The following SNTG1 variants were observed in gnomAD, a reference collection of about 807,000 sequenced individuals.
The protein encoded by SNTG1 is syntrophin gamma 1, also known as gamma-1-syntrophin.
A neutral mutation model predicts 74.7 loss-of-function variants in SNTG1; 39 were observed. The observed-to-expected ratio is 0.52, with a 90% confidence interval of 0.40 to 0.68. SNTG1 has a LOEUF of 0.68. Ranked by LOEUF, SNTG1 falls within the 30% of genes least tolerant of loss-of-function variation. The probability of loss-of-function intolerance (pLI) is 0.00; values close to 1 mark genes in which losing one functional copy is unlikely to be tolerated. For missense variants in SNTG1, 685 were observed against 609.5 expected (o/e 1.12, Z -1.30); for synonymous variants, 254 against 217.1 (o/e 1.17, Z -1.49).
intron 15 of SNTG1, among the ~76,000 whole-genome samples, chr8:50,703,579 AAATACAGTAATATTTACTGTATTACTAT>A (rs892510389): frequency 1.7e-4 from 26 of 152,294 alleles, no homozygotes; most frequent in African/African-American, 6.3e-4. Context: ...GGAGTACAGT[AAATACAGTAATATTTACTGTATTACTAT>A]AATACAGTAA....
intron 17 of SNTG1, among the ~76,000 whole-genome samples, chr8:50,736,775 A>G (rs1221617223): frequency 1.3e-5 from 2 of 152,182 alleles, no homozygotes; most frequent in Non-Finnish European, 2.9e-5. Flanking sequence ...AAACTCAGTC[A>G]AAACTGTACA....
chr8:50,727,629 G>T (rs1319047074), intron 17 of SNTG1, among the ~76,000 whole-genome samples: 1 of 152,134 alleles, frequency 6.6e-6, no homozygotes. Context: ...AGCCCCTGCT[G>T]CTATGGCTGT....
At chr8:50,782,630 C>T (rs1392922715) in intron 18 of SNTG1, among the ~76,000 whole-genome samples, 1 of 122,848 alleles carries the variant, frequency 8.1e-6, no homozygotes, top group Non-Finnish European at 1.8e-5. Flanking sequence ...AAGGTTTCAA[C>T]TTCTTTGCCT....
At position 50,542,632 on chromosome 8, in the gene SNTG1, G is replaced by A. The variant is rs1313668655; in HGVS notation, c.680+5824G>A. The stretch of plus-strand genomic sequence containing the variant: ...CACTAATGAAATTGCTGGATCGTGT[G>A]GTAGTCTTATTTTCAGTTTTTTGAG... On this transcript the variant is annotated intron_variant, in intron 11 of 18. Transcript: ENST00000642720. 2.0e-5 allele frequency among the ~76,000 whole-genome samples: 3 copies of A among 152,086 alleles called. No individual in the cohort carries two copies. In the South Asian group the frequency reaches 6.2e-4, roughly 32 times the overall value.
At chr8:49,987,651 T>TG (rs1478530424) in intron 1 of SNTG1, among the ~76,000 whole-genome samples, 1 of 148,056 alleles carries the variant, frequency 6.8e-6, no homozygotes, top group Admixed American at 6.7e-5. Flanking sequence ...AAATTAACCT[T>TG]TTTTTTTTTT....
intron 1 of SNTG1, among the ~76,000 whole-genome samples, chr8:49,978,597 T>G (rs1003324595): frequency 6.6e-6 from 1 of 152,198 alleles, no homozygotes; most frequent in Non-Finnish European, 1.5e-5. Context: ...ATTGTTGTCT[T>G]TATTGTAAAG....
chr8:50,084,138 A>T (rs968744919), intron 1 of SNTG1, among the ~76,000 whole-genome samples: 4 of 152,158 alleles, frequency 2.6e-5, no homozygotes, highest in African/African-American at 9.7e-5. Context: ...ATGTTGTGCT[A>T]AATAGTGTAT....
intron 18 of SNTG1, among the ~76,000 whole-genome samples, chr8:50,775,031 G>C (rs911483293): frequency 2.0e-5 from 3 of 150,440 alleles, no homozygotes; most frequent in African/African-American, 7.3e-5. Context: ...TACATATATA[G>C]TGTTATAACC....
chr8:50,077,059 A>AT (rs1457290271), intron 1 of SNTG1, among the ~76,000 whole-genome samples: 1 of 152,210 alleles, frequency 6.6e-6, no homozygotes, highest in African/African-American at 2.4e-5. Context: ...CCTCTGGCTT[A>AT]ACGTTCTATA....
intron 8 of SNTG1, among the ~76,000 whole-genome samples, chr8:50,479,088 A>G (rs901683475): frequency 1.3e-5 from 2 of 152,176 alleles, no homozygotes; most frequent in Admixed American, 6.5e-5. Flanking sequence ...GATTAAATCA[A>G]TTGCCCAGGG....
At chr8:50,398,035 A>C (rs1587470409) in intron 3 of SNTG1, among the ~76,000 whole-genome samples, 1 of 152,346 alleles carries the variant, frequency 6.6e-6, no homozygotes. Context: ...GATTCTAATC[A>C]AGACAGTGCC....
intron 17 of SNTG1, among the ~76,000 whole-genome samples, chr8:50,740,357 A>G (rs2095540102): frequency 1.6e-5 from 2 of 124,160 alleles, no homozygotes; most frequent in Admixed American, 1.5e-4. Flanking sequence ...TGGCCAAAAA[A>G]CATATGAAAA....
At chr8:50,339,288 G>T (rs185864308) in intron 2 of SNTG1, among the ~76,000 whole-genome samples, 1 of 151,974 alleles carries the variant, frequency 6.6e-6, no homozygotes, top group Non-Finnish European at 1.5e-5. Context: ...CTCCTTGCTA[G>T]AGCTATAAAA....
At chr8:50,512,643 C>A (rs982435878) in intron 9 of SNTG1, among the ~76,000 whole-genome samples, 5 of 152,164 alleles carry the variant, frequency 3.3e-5, no homozygotes, top group Non-Finnish European at 5.9e-5. Flanking sequence ...CTAAACTTCT[C>A]TTCTAGCTTC....
intron 4 of SNTG1, among the ~76,000 whole-genome samples, chr8:50,418,997 A>C (rs568145529): frequency 6.6e-6 from 1 of 152,138 alleles, no homozygotes; most frequent in Non-Finnish European, 1.5e-5. Flanking sequence ...ATTAAAAACT[A>C]TGACTATTAT....
chr8:50,666,047 G>T (rs2095249463), intron 15 of SNTG1, among the ~76,000 whole-genome samples: 1 of 152,082 alleles, frequency 6.6e-6, no homozygotes, highest in African/African-American at 2.4e-5. Context: ...TAGCAAAATA[G>T]CAGGTTCATG....
intron 2 of SNTG1, among the ~76,000 whole-genome samples, chr8:50,277,826 T>C (rs2088202881): frequency 6.6e-6 from 1 of 152,232 alleles, no homozygotes; most frequent in Non-Finnish European, 1.5e-5. Flanking sequence ...ATTATTTTAA[T>C]TAATTATACC....
At chr8:50,344,503 T>A (rs2091415726) in intron 2 of SNTG1, among the ~76,000 whole-genome samples, 1 of 152,114 alleles carries the variant, frequency 6.6e-6, no homozygotes. Context: ...CATGTCTTGA[T>A]GGGGAATGGA....
intron 9 of SNTG1, among the ~76,000 whole-genome samples, chr8:50,524,258 T>G (rs79210559): frequency 5.3e-5 from 8 of 152,056 alleles, no homozygotes; most frequent in Admixed American, 2.0e-4. Flanking sequence ...CCCCACCTTC[T>G]ATACCATATA....
Sources: allele counts gnomAD v4.1 joint callset (sites outside exome capture counted in the v4.1 genomes callset), GRCh38; gene constraint gnomAD v4.1.1; transcripts MANE v1.5; gene names NCBI Gene and HGNC (gene_info 2026-07-23, HGNC 2026-07-21).